TANK: variants seen among roughly 807,000 people sequenced by gnomAD.
TANK encodes TRAF family member-associated NF-kappa-B activator.
TANK carries 15 observed loss-of-function variants against 43.6 expected under a neutral mutation model. The ratio of observed to expected loss-of-function variants is 0.34; its 90% CI spans 0.23 to 0.53. The LOEUF is 0.53. Ranked by LOEUF, TANK falls within the 20% of genes least tolerant of loss-of-function variation. The pLI is 0.94. For synonymous variants in TANK, 162 were observed against 178.2 expected, an observed-to-expected ratio of 0.91 and a Z score of 0.73; for missense variants, 417 against 498.6, an observed-to-expected ratio of 0.84 and a Z score of 1.56.
At chr2:161,148,743 A>G (rs1683988181) in intron 1 of TANK, among the ~76,000 whole-genome samples, 1 of 152,084 alleles carries the variant, frequency 6.6e-6, no homozygotes, top group Non-Finnish European at 1.5e-5. Context: ...TGTGGTTATC[A>G]CTTGTCCCAG....
chr2:161,178,764 A>G (rs1211071346), intron 1 of TANK, among the ~76,000 whole-genome samples: 1 of 152,192 alleles, frequency 6.6e-6, no homozygotes, highest in East Asian at 1.9e-4. Flanking sequence ...AAGAATTTTC[A>G]CAAACATGAA....
At chr2:161,146,823 G>A (rs899531130) in intron 1 of TANK, among the ~76,000 whole-genome samples, 2 of 152,154 alleles carry the variant, frequency 1.3e-5, no homozygotes, top group African/African-American at 4.8e-5. Context: ...AGCAAGACTT[G>A]TTTAATGAAA....
intron 1 of TANK, among the ~76,000 whole-genome samples, chr2:161,173,051 T>G (rs1194212599): frequency 6.6e-6 from 1 of 152,102 alleles, no homozygotes; most frequent in Non-Finnish European, 1.5e-5. Context: ...AAGTCTAAAT[T>G]TCTTAGAGTG....
Position 161,204,798 on chromosome 2 carries a change from A to G in TANK, c.327+5A>G, listed in dbSNP as rs1375431323. Reference sequence around the variant, plus strand: ...GCAAGAGAAAAACTACCAAAGGTAGACATTGCTTCTGCAGAAAGCAGCATT... The same window carrying G: ...GCAAGAGAAAAACTACCAAAGGTAGGCATTGCTTCTGCAGAAAGCAGCATT... On this transcript the variant is annotated splice_donor_5th_base_variant and intron_variant, in intron 4 of 7. Coordinates refer to ENST00000392749, the MANE Select transcript of TANK (RefSeq NM_001199135.3). 6 of 1,604,950 alleles carry G rather than the reference A, an allele frequency of 3.7e-6. No individual in the cohort carries two copies. In the African/African-American group the frequency reaches 4.0e-5, roughly 11 times the overall value.
Position 161,223,904 on chromosome 2 carries a change from G to T in TANK, c.328-11G>T. ...TTAAAGTAGTAATAGTAATCATTTT[G>T]TATGTTTAAGGTAAGAAGACAAGAG... On this transcript the variant is annotated splice_polypyrimidine_tract_variant and intron_variant, in intron 4 of 7. Transcript: ENST00000392749. 6.4e-7 allele frequency: 1 copy of T among 1,573,922 alleles called. No individual in the cohort carries two copies. Among genetic ancestry groups the T allele is most frequent in the Non-Finnish European group, 8.7e-7 (1 of 1,148,700 alleles).
At chr2:161,174,036 A>G (rs1182219965) in intron 1 of TANK, among the ~76,000 whole-genome samples, 2 of 152,182 alleles carry the variant, frequency 1.3e-5, no homozygotes, top group Non-Finnish European at 2.9e-5. Flanking sequence ...AAGTATTAGT[A>G]CTATAAGAGA....
chr2:161,234,105 G>A (rs1389061468), intron 7 of TANK, among the ~76,000 whole-genome samples: 2 of 152,148 alleles, frequency 1.3e-5, no homozygotes, highest in Non-Finnish European at 2.9e-5. Context: ...CTAGACAGAC[G>A]TTGTATATTT....
At chr2:161,219,805 C>A in intron 4 of TANK, 1 of 429,450 alleles carries the variant, frequency 2.3e-6, no homozygotes. Context: ...ACCTCAGTTC[C>A]TCCTTTAACA....
intron 2 of TANK, chr2:161,201,211 T>C (rs1686397261): frequency 2.0e-6 from 2 of 981,488 alleles, no homozygotes; most frequent in South Asian, 4.7e-5. Flanking sequence ...TTAAGTAGCT[T>C]AAGAAGTAGT....
rs764649159 is a variant in TANK at position 161,204,708 on chromosome 2, A to G, written c.242A>G (p.Asp81Gly). The change falls in exon 4 of 8, where the codon GAC becomes GGC. Residue 81 changes from aspartate to glycine, a missense_variant. By Grantham distance (94) the Asp-to-Gly change is moderately conservative. Transcript: ENST00000392749. ...NNYGCVPLLE[D>G]SETRKNNLTL... ...TATGGCTGTGTTCCTCTGCTTGAAGACAGTGAAACAAGAAAGAATAATTTG... is the reference window on the plus strand; with the variant it reads ...TATGGCTGTGTTCCTCTGCTTGAAGGCAGTGAAACAAGAAAGAATAATTTG... 1 of 1,610,744 alleles carries G rather than the reference A, an allele frequency of 6.2e-7. No homozygotes were observed. Among genetic ancestry groups the G allele is most frequent in the Admixed American group, 1.7e-5 (1 of 59,386 alleles).
chr2:161,203,486 G>A lies in TANK; in HGVS notation c.100-1G>A, dbSNP rs777393893. Reference sequence around the variant, plus strand: ...AGGCTAACTGGTTTTTATGTCAGCAGACTGAGAACTATGAGCAGAGAATAC... The same window carrying A: ...AGGCTAACTGGTTTTTATGTCAGCAAACTGAGAACTATGAGCAGAGAATAC... On this transcript the variant is annotated splice_acceptor_variant, in intron 2 of 7. Coordinates refer to ENST00000392749, the MANE Select transcript of TANK (RefSeq NM_001199135.3). LOFTEE classifies it high-confidence loss of function. 1 of 1,605,636 alleles carries A rather than the reference G, an allele frequency of 6.2e-7. No homozygotes were observed. Among genetic ancestry groups the A allele is most frequent in the South Asian group, 1.1e-5 (1 of 89,522 alleles).
chr2:161,186,689 T>A (rs903206258), intron 2 of TANK, among the ~76,000 whole-genome samples: 4 of 152,056 alleles, frequency 2.6e-5, no homozygotes, highest in African/African-American at 9.7e-5. Context: ...ACAAATGGGA[T>A]TACATCAAGT....
At chr2:161,177,739 A>T (rs1685231734) in intron 1 of TANK, among the ~76,000 whole-genome samples, 1 of 152,162 alleles carries the variant, frequency 6.6e-6, no homozygotes. Flanking sequence ...GTGAAAAGGC[A>T]TCTACAGAAT....
In TANK at chr2:161,179,653, A is replaced by T. The variant is rs776144356; in HGVS notation, c.-10A>T. 1 of 1,613,040 alleles carries T rather than the reference A, an allele frequency of 6.2e-7. No homozygotes were observed. Among genetic ancestry groups the T allele is most frequent in the Non-Finnish European group, 8.5e-7 (1 of 1,179,460 alleles). On this transcript the variant is annotated 5_prime_UTR_variant, in exon 2 of 8. Coordinates refer to ENST00000392749, the MANE Select transcript of TANK (RefSeq NM_001199135.3). ...CCATCCTTTATAGTGATGCTACAGG[A>T]CGAAGAGGAATGGATAAAAACATTG...
intron 7 of TANK, chr2:161,232,654 C>T (rs2105176111): frequency 7.1e-7 from 1 of 1,401,642 alleles, no homozygotes; most frequent in Non-Finnish European, 9.4e-7. Context: ...AGTAGAATTC[C>T]TGTGGAGCTG....
intron 6 of TANK, 27 bp from the exon 7 acceptor site, chr2:161,230,944 T>C: frequency 6.4e-7 from 1 of 1,559,222 alleles, no homozygotes; most frequent in African/African-American, 1.4e-5. Flanking sequence ...ATGCGGCTGT[T>C]TCTCTTTTGT....
intron 2 of TANK, among the ~76,000 whole-genome samples, chr2:161,198,448 C>A (rs1033733787): frequency 2.0e-5 from 3 of 152,188 alleles, no homozygotes; most frequent in African/African-American, 7.2e-5. Flanking sequence ...GGAGTTGCAC[C>A]CTGGTGGCTC....
At chr2:161,212,434 C>T in intron 4 of TANK, 1 of 983,668 alleles carries the variant, frequency 1.0e-6, no homozygotes, top group Non-Finnish European at 1.2e-6. Flanking sequence ...TTTTCTATTG[C>T]AGAAACTGTG....
intron 2 of TANK, among the ~76,000 whole-genome samples, chr2:161,192,749 C>T (rs775002707): frequency 2.6e-5 from 4 of 152,144 alleles, no homozygotes; most frequent in Non-Finnish European, 5.9e-5. Context: ...AATGAATGAG[C>T]GTATTCTACA....
Sources: gnomAD v4.1 joint callset for allele counts (sites outside exome capture counted in the v4.1 genomes callset) on GRCh38, gnomAD v4.1.1 for gene constraint, MANE v1.5 for transcripts, NCBI Gene and HGNC (gene_info 2026-07-23, HGNC 2026-07-21) for gene names.